The following WARS2 variants were observed in gnomAD, a reference collection of about 807,000 sequenced individuals.
WARS2 encodes tryptophanyl tRNA synthetase 2, mitochondrial, also known as tryptophan--tRNA ligase, mitochondrial.
WARS2 carries 28 observed loss-of-function variants against 36.5 expected under a neutral mutation model. That is an observed-to-expected ratio of 0.77 (90% CI 0.57 to 1.05). The LOEUF (loss-of-function observed/expected upper bound fraction) is 1.05. Among genes scored for constraint, WARS2 ranks in the 50% least tolerant of loss-of-function variants. WARS2 has a pLI of 0.00. For missense variants in WARS2, 435 were observed against 456.8 expected, an observed-to-expected ratio of 0.95 and a Z score of 0.44; for synonymous variants, 174 against 178.4, an observed-to-expected ratio of 0.98 and a Z score of 0.20.
chr1:119,104,683 G>A (rs905212821), intron 1 of WARS2, among the ~76,000 whole-genome samples: 1 of 150,054 alleles, frequency 6.7e-6, no homozygotes, highest in Non-Finnish European at 1.5e-5. Context: ...TAGATAGGAC[G>A]CACATGAAAA....
chr1:119,034,950 A>C (rs1217061414), intron 4 of WARS2, among the ~76,000 whole-genome samples: 3 of 152,202 alleles, frequency 2.0e-5, no homozygotes, highest in Non-Finnish European at 4.4e-5. Context: ...CCAAATTTGT[A>C]ATTGTAGCTG....
intron 4 of WARS2, among the ~76,000 whole-genome samples, chr1:119,036,424 C>T (rs1421729495): frequency 2.6e-5 from 4 of 152,152 alleles, no homozygotes; most frequent in Non-Finnish European, 5.9e-5. Flanking sequence ...AGACACCCCA[C>T]CTTTGTAACT....
At chr1:119,042,105 C>T (rs993713835) in intron 4 of WARS2, among the ~76,000 whole-genome samples, 159 bp downstream of exon 4, 1 of 152,168 alleles carries the variant, frequency 6.6e-6, no homozygotes, top group Admixed American at 6.5e-5. Context: ...AAACATACTT[C>T]TATAATGTAG....
intron 1 of WARS2, among the ~76,000 whole-genome samples, chr1:119,103,254 G>A (rs145848005): frequency 1.0e-3 from 154 of 152,206 alleles, no homozygotes; most frequent in Non-Finnish European, 1.7e-3. Context: ...GAGTCTTGCC[G>A]TTTCTGTTAT....
At chr1:119,100,791 G>T (rs377731647) in intron 1 of WARS2, among the ~76,000 whole-genome samples, 1 of 152,026 alleles carries the variant, frequency 6.6e-6, no homozygotes, top group African/African-American at 2.4e-5. Flanking sequence ...CTCCTGAATA[G>T]CCACACCAGT....
chr1:119,090,192 T>C (rs28572465), intron 1 of WARS2, among the ~76,000 whole-genome samples: 9,075 of 152,168 alleles, frequency 0.06, 528 homozygotes, highest in East Asian at 0.22. Flanking sequence ...AAATAAGTTA[T>C]AGTTTTCTTT....
chr1:119,076,493 CAG>C lies in WARS2; in HGVS notation c.203_204del (p.Ser68CysfsTer7). 1 of 1,614,152 alleles carries C rather than the reference CAG, an allele frequency of 6.2e-7. No homozygotes were observed. Among genetic ancestry groups the C allele is most frequent in the Non-Finnish European group, 8.5e-7 (1 of 1,180,026 alleles). ...TGGAGGTCAACAATGCTGTATAATA[CAG>C]AGTCATATTCATCCTGTAACCTCAC... is the stretch of plus-strand genomic sequence containing the variant. The part of the protein sequence containing the change: ...SWVRLQDEYD[S>X]VLYSIVDLHS... On this transcript the variant is annotated frameshift_variant, in exon 2 of 6. Coordinates refer to ENST00000235521, the MANE Select transcript of WARS2 (RefSeq NM_015836.4). LOFTEE classifies it high-confidence loss of function.
chr1:119,101,623 G>C (rs1409968291), intron 1 of WARS2, among the ~76,000 whole-genome samples: 2 of 151,918 alleles, frequency 1.3e-5, no homozygotes, highest in Admixed American at 1.3e-4. Flanking sequence ...CTGCAATCTT[G>C]GTGTTCACTT....
chr1:119,118,287 C>T (rs1433340340), intron 1 of WARS2, among the ~76,000 whole-genome samples: 3 of 151,832 alleles, frequency 2.0e-5, no homozygotes, highest in East Asian at 1.9e-4. Flanking sequence ...GCAAAACACA[C>T]TGAAAAGTAT....
At chr1:119,042,543 C>T (rs1648461716) in intron 3 of WARS2, among the ~76,000 whole-genome samples, 194 bp from the exon 4 acceptor site, 1 of 152,010 alleles carries the variant, frequency 6.6e-6, no homozygotes, top group South Asian at 2.1e-4. Flanking sequence ...CAGGCTGAGG[C>T]AGGAATAAGG....
intron 1 of WARS2, among the ~76,000 whole-genome samples, chr1:119,077,629 A>G (rs1020647162): frequency 5.3e-5 from 8 of 152,068 alleles, no homozygotes; most frequent in Admixed American, 5.2e-4. Context: ...TGGGTTTTCA[A>G]TTCTTCAAAA....
At chr1:119,063,381 A>G (rs1025415800) in intron 2 of WARS2, 1 of 152,136 alleles carries the variant, frequency 6.6e-6, no homozygotes, top group Admixed American at 6.6e-5. Context: ...TGCAAAACCA[A>G]TTTTCTGGGG....
intron 2 of WARS2, 121 bp downstream of exon 2, chr1:119,076,228 GA>G (rs1651715963): frequency 2.4e-6 from 3 of 1,253,560 alleles, no homozygotes; most frequent in African/African-American, 3.0e-5. Flanking sequence ...AATCACATTT[GA>G]AAAAGTCACC....
chr1:119,126,620 A>G, intron 1 of WARS2: 1 of 690,392 alleles, frequency 1.4e-6, no homozygotes, highest in East Asian at 2.6e-5. Flanking sequence ...TGGCTTTTCC[A>G]AAACTATTAC....
At chr1:119,100,573 A>T (rs148251412) in intron 1 of WARS2, among the ~76,000 whole-genome samples, 2,523 of 152,336 alleles carry the variant, frequency 0.017, 25 homozygotes, top group Non-Finnish European at 0.024. Flanking sequence ...GGATAAAGAA[A>T]ATGTGTACAT....
chr1:119,116,868 C>T (rs587741858), intron 1 of WARS2, among the ~76,000 whole-genome samples: 5 of 152,274 alleles, frequency 3.3e-5, no homozygotes, highest in South Asian at 4.1e-4. Flanking sequence ...TAATTTCAAC[C>T]GAGCACGAAC....
chr1:119,045,014 G>A (rs57540867), intron 3 of WARS2, among the ~76,000 whole-genome samples: 2,453 of 152,244 alleles, frequency 0.016, 60 homozygotes, highest in East Asian at 0.051. Context: ...TGACGTAGTT[G>A]GGGGCTACCT....
chr1:119,054,845 A>G (rs1244365383), intron 2 of WARS2, among the ~76,000 whole-genome samples: 2 of 152,232 alleles, frequency 1.3e-5, no homozygotes, highest in Non-Finnish European at 2.9e-5. Context: ...TATACATTTG[A>G]GTAGTCAAAC....
chr1:119,111,455 G>A (rs1654632028), intron 1 of WARS2, among the ~76,000 whole-genome samples: 1 of 152,156 alleles, frequency 6.6e-6, no homozygotes, highest in African/African-American at 2.4e-5. Context: ...CTTCCTCCAG[G>A]TAGGTTCAAC....
Sources: gnomAD v4.1 joint callset for allele counts (sites outside exome capture counted in the v4.1 genomes callset) on GRCh38, gnomAD v4.1.1 for gene constraint, MANE v1.5 for transcripts, NCBI Gene and HGNC (gene_info 2026-07-23, HGNC 2026-07-21) for gene names.